EBF1: variants seen among roughly 807,000 people sequenced by gnomAD.
EBF1 encodes transcription factor COE1.
A neutral mutation model predicts 68.4 loss-of-function variants in EBF1; 10 were observed. The ratio of observed to expected loss-of-function variants is 0.15; its 90% CI spans 0.09 to 0.25. The LOEUF (loss-of-function observed/expected upper bound fraction) is 0.25, where lower values mean the gene tolerates loss of function less well. EBF1 is among the 10% of genes least tolerant of loss of function. The pLI, the probability that EBF1 is intolerant of heterozygous loss-of-function variation, is 1.00. For missense variants in EBF1, 509 were observed against 794.4 expected (o/e 0.64, Z 4.32); for synonymous variants, 298 against 299.8 (o/e 0.99, Z 0.06).
At chr5:159,032,671 C>A (rs1240403438) in intron 6 of EBF1, among the ~76,000 whole-genome samples, 1 of 152,202 alleles carries the variant, frequency 6.6e-6, no homozygotes, top group Non-Finnish European at 1.5e-5. Context: ...CGAAACCACC[C>A]TCTCCCTTCA....
intron 6 of EBF1, among the ~76,000 whole-genome samples, chr5:158,998,130 C>T (rs1467344145): frequency 2.6e-5 from 4 of 152,132 alleles, no homozygotes; most frequent in African/African-American, 7.2e-5. Context: ...CTCCTTGCAT[C>T]GCTTTCACTA....
chr5:158,785,593 G>A (rs566143532), intron 9 of EBF1, among the ~76,000 whole-genome samples: 4 of 152,280 alleles, frequency 2.6e-5, no homozygotes, highest in East Asian at 1.9e-4. Context: ...AGCCAGAGGA[G>A]GCATTTACTG....
intron 6 of EBF1, among the ~76,000 whole-genome samples, chr5:158,874,190 T>C (rs1330599562): frequency 6.6e-6 from 1 of 152,140 alleles, no homozygotes; most frequent in East Asian, 1.9e-4. Context: ...ATACTGATAA[T>C]GAAATACCAG....
chr5:158,994,153 C>T (rs534134823), intron 6 of EBF1, among the ~76,000 whole-genome samples: 2 of 152,280 alleles, frequency 1.3e-5, no homozygotes, highest in Admixed American at 1.3e-4. Flanking sequence ...AGAAGGAGAA[C>T]AACATGAGCT....
chr5:158,732,968 G>C (rs1581420503), intron 10 of EBF1, among the ~76,000 whole-genome samples: 2 of 152,040 alleles, frequency 1.3e-5, no homozygotes, highest in Non-Finnish European at 2.9e-5. Context: ...ATCTATACTA[G>C]TATATGAGTT....
chr5:158,981,863 A>G (rs78275194), intron 6 of EBF1, among the ~76,000 whole-genome samples: 6 of 149,224 alleles, frequency 4.0e-5, no homozygotes, highest in Non-Finnish European at 7.4e-5. Flanking sequence ...TACTAAAAAT[A>G]AAAAAAAAAT....
intron 4 of EBF1, among the ~76,000 whole-genome samples, chr5:159,091,394 C>T (rs1357647214): frequency 6.6e-6 from 1 of 152,216 alleles, no homozygotes; most frequent in African/African-American, 2.4e-5. Context: ...AAATTCCAAA[C>T]TTCTTCATTC....
intron 6 of EBF1, among the ~76,000 whole-genome samples, chr5:159,065,407 C>T (rs1444104589): frequency 1.3e-5 from 2 of 152,146 alleles, no homozygotes; most frequent in East Asian, 3.9e-4. Context: ...CATCAAAAAG[C>T]AGCAGCTGAT....
At chr5:158,927,376 C>CTG (rs1809914824) in intron 6 of EBF1, among the ~76,000 whole-genome samples, 1 of 152,200 alleles carries the variant, frequency 6.6e-6, no homozygotes, top group Admixed American at 6.5e-5. Context: ...TCATGAACCA[C>CTG]TGCTTTGTTC....
chr5:158,761,011 G>A (rs1464388802), intron 10 of EBF1, among the ~76,000 whole-genome samples: 1 of 152,152 alleles, frequency 6.6e-6, no homozygotes, highest in Non-Finnish European at 1.5e-5. Flanking sequence ...CCAAAGAAAA[G>A]TTTAACATAA....
At chr5:158,867,669 C>A (rs115667267) in intron 6 of EBF1, among the ~76,000 whole-genome samples, 1 of 152,078 alleles carries the variant, frequency 6.6e-6, no homozygotes, top group Admixed American at 6.6e-5. Context: ...CCTTAGTTTG[C>A]GGGAAGAAAA....
intron 4 of EBF1, among the ~76,000 whole-genome samples, chr5:159,088,155 A>G (rs1409015184): frequency 6.6e-6 from 1 of 152,168 alleles, no homozygotes; most frequent in African/African-American, 2.4e-5. Flanking sequence ...TTTGTTACTG[A>G]AAAGTATTGT....
Position 158,713,035 on chromosome 5 carries a change from C to G in EBF1, c.1304G>C (p.Gly435Ala), listed in dbSNP as rs1281257866. The change falls in exon 13 of 16, where the codon GGC (glycine) becomes GCC (alanine). Residue 435 changes from glycine (G) to alanine (A), a missense_variant. Transcript: ENST00000313708. Reference sequence around the variant, plus strand: ...CAGTTGTCCACTGAACGAATTCACGCCCATCATCCCTGCGTGGACCGAGGT... The same window carrying G: ...CAGTTGTCCACTGAACGAATTCACGGCCATCATCCCTGCGTGGACCGAGGT... Reference protein sequence around the residue: ...ANTSVHAGMMGVNSFSGQLAV... With the variant: ...ANTSVHAGMMAVNSFSGQLAV... 1.9e-6 allele frequency: 3 copies of G among 1,584,670 alleles called. No homozygotes were observed. Among genetic ancestry groups the G allele is most frequent in the Non-Finnish European group, 2.6e-6 (3 of 1,162,966 alleles).
intron 6 of EBF1, among the ~76,000 whole-genome samples, chr5:158,975,913 G>A (rs1243902939): frequency 6.6e-6 from 1 of 152,162 alleles, no homozygotes; most frequent in Non-Finnish European, 1.5e-5. Context: ...GGAGATCTGG[G>A]ATGATTGGAC....
chr5:158,739,683 C>T lies in EBF1; in HGVS notation c.1037-8526G>A, dbSNP rs537836448. Among the ~76,000 whole-genome samples the T allele has an allele frequency of 1.6e-4, 24 of 152,262 alleles. No individual in the cohort carries two copies. In the South Asian group the frequency reaches 2.5e-3, roughly 16 times the overall value. ...CTGTCTTTCTTAACATTTAAGGATA[C>T]GTCCATAATTCTCTTCCCTACTGGC... On this transcript the variant is annotated intron_variant, in intron 10 of 15. Coordinates refer to ENST00000313708, the MANE Select transcript of EBF1 (RefSeq NM_024007.5).
Position 158,967,062 on chromosome 5 carries a change from T to C in EBF1, c.554+106334A>G, listed in dbSNP as rs189018966. On this transcript the variant is annotated intron_variant, in intron 6 of 15. Coordinates refer to ENST00000313708, the MANE Select transcript of EBF1 (RefSeq NM_024007.5). ...ACCCAAGTTTCTGGATCTACACAGATAAAAAAACCTTTTCAGGAAATAAGA... is the reference window on the plus strand; with the variant it reads ...ACCCAAGTTTCTGGATCTACACAGACAAAAAAACCTTTTCAGGAAATAAGA... Among the ~76,000 whole-genome samples, 17 of 150,024 alleles carry C rather than the reference T, an allele frequency of 1.1e-4. No homozygotes were observed. In the East Asian group the frequency reaches 1.2e-3, roughly 10 times the overall value.
At chr5:158,915,281 G>A (rs567909798) in intron 6 of EBF1, among the ~76,000 whole-genome samples, 16 of 152,344 alleles carry the variant, frequency 1.1e-4, no homozygotes, top group Admixed American at 7.8e-4. Context: ...CTTTTGGATT[G>A]TAGGAAAATA....
chr5:158,765,234 T>C (rs1386994371), intron 10 of EBF1, among the ~76,000 whole-genome samples: 1 of 152,136 alleles, frequency 6.6e-6, no homozygotes, highest in African/African-American at 2.4e-5. Context: ...ATTTTTCTAG[T>C]CTTAAAAAAG....
intron 10 of EBF1, among the ~76,000 whole-genome samples, chr5:158,754,107 C>A (rs547051892): frequency 2.1e-4 from 32 of 152,180 alleles, no homozygotes; most frequent in African/African-American, 7.0e-4. Context: ...TACCCATTGA[C>A]TAATACTTCT....
Sources: allele counts gnomAD v4.1 joint callset (sites outside exome capture counted in the v4.1 genomes callset), GRCh38; gene constraint gnomAD v4.1.1; transcripts MANE v1.5; gene names NCBI Gene and HGNC (gene_info 2026-07-23, HGNC 2026-07-21).